POLQ: variants seen among roughly 807,000 people sequenced by gnomAD.
The protein encoded by POLQ is epididymis secretory sperm binding protein.
In POLQ, 233 loss-of-function variants were observed where a neutral mutation model predicts 259.2. That is an observed-to-expected ratio of 0.90 (90% confidence interval 0.81 to 1.00). The LOEUF is 1.00. POLQ is among the 50% of genes least tolerant of loss of function. The probability of loss-of-function intolerance (pLI) is 0.00; values close to 1 mark genes in which losing one functional copy is unlikely to be tolerated. For missense variants in POLQ, 2,871 were observed against 3,051.6 expected, an observed-to-expected ratio of 0.94 and a Z score of 1.39; for synonymous variants, 1,025 against 1,048.8, an observed-to-expected ratio of 0.98 and a Z score of 0.44.
intron 16 of POLQ, among the ~76,000 whole-genome samples, chr3:121,486,404 A>G (rs2048011976): frequency 6.6e-6 from 1 of 152,040 alleles, no homozygotes; most frequent in African/African-American, 2.4e-5. Flanking sequence ...AAAATAAAAA[A>G]TTAGCCAGGC....
rs1021459056 is a variant in POLQ, at chr3:121,545,871, G to T, written c.7C>A (p.Leu3Ile). 24 of 1,613,804 alleles carry T rather than the reference G, an allele frequency of 1.5e-5. No individual in the cohort carries two copies. Among genetic ancestry groups the T allele is most frequent in the Non-Finnish European group, 1.9e-5 (22 of 1,179,994 alleles). MN[L>I]LRRSGKRRRS... ...CGCCGTTTCCCACTCCGACGCAGAA[G>T]ATTCATGGCAAACTCTTCTCGGCCG... Residue 3 changes from leucine to isoleucine, a missense_variant, in exon 1 of 30, where the codon CTT becomes ATT. Physicochemically the swap from Leu to Ile is conservative, Grantham distance 5. Coordinates refer to ENST00000264233, the MANE Select transcript of POLQ (RefSeq NM_199420.4).
chr3:121,486,893 C>CAGAGAGAG (rs3045624), intron 16 of POLQ, among the ~76,000 whole-genome samples: 3 of 140,392 alleles, frequency 2.1e-5, no homozygotes, highest in African/African-American at 2.7e-5. Context: ...GAAAGAGAGA[C>CAGAGAGAG]AGAGAGAGAG....
Position 121,481,583 on chromosome 3 carries a change from T to C in POLQ, c.6200A>G (p.Glu2067Gly). The C allele has an allele frequency of 6.3e-7, 1 of 1,594,332 alleles. No homozygotes were observed. Among genetic ancestry groups the C allele is most frequent in the African/African-American group, 1.3e-5 (1 of 74,348 alleles). Reference sequence around the variant, plus strand: ...AACTTGGTTTTTACCTTGAAGGTTTTCCTTCTGCAACAAAGAGTTGAGCTG... The same window carrying C: ...AACTTGGTTTTTACCTTGAAGGTTTCCCTTCTGCAACAAAGAGTTGAGCTG... ...MNQLNSLLQK[E>G]NLQDVFRKVE... Residue 2067 changes from glutamate (E) to glycine (G), a missense_variant, in exon 19 of 30, where the codon GAA becomes GGA. Around this residue, in one of 3 missense-constraint regions of POLQ, gnomAD observed 2,080 missense variants for 2,126.0 expected, o/e 0.98. Coordinates refer to ENST00000264233, the MANE Select transcript of POLQ (RefSeq NM_199420.4).
At position 121,431,540 on chromosome 3, in the gene POLQ, CAGAA is replaced by C. The variant is rs1368475505; in HGVS notation, c.*760_*763del. 3 of 152,398 alleles carry C rather than the reference CAGAA, an allele frequency of 2.0e-5. No individual in the cohort carries two copies. The highest frequency in any genetic ancestry group is 7.2e-5 in the African/African-American group (3 of 41,402). The allele number at this position is 152,398 out of a possible 1,614,324, so 9.4% of individuals were successfully genotyped here. On this transcript the variant is annotated 3_prime_UTR_variant, in exon 30 of 30. Coordinates refer to ENST00000264233, the MANE Select transcript of POLQ (RefSeq NM_199420.4). ...ATGGGTTTTCTCACCATGCCACAAA[CAGAA>C]AGAGGCACTAAGGGACTGATAAGGG... is the stretch of plus-strand genomic sequence containing the variant.
Position 121,509,674 on chromosome 3 carries a change from A to G in POLQ, c.1846T>C (p.Ser616Pro), listed in dbSNP as rs1269090397. The G allele has an allele frequency of 2.1e-5, 34 of 1,613,906 alleles. No individual in the cohort carries two copies. The highest frequency in any genetic ancestry group is 2.8e-5 in the Non-Finnish European group (33 of 1,179,922). ...GKVYHPTHLG[S>P]ATLSSSLSPA... The stretch of plus-strand genomic sequence containing the variant: ...GAAAGTGAAGAAGAAAGAGTGGCCG[A>G]ACCAAGATGTGTTGGATGATACACC... The change falls in exon 12 of 30, where the codon TCG (serine) becomes CCG (proline). Residue 616 changes from serine to proline, a missense_variant. Around this residue, in one of 3 missense-constraint regions of POLQ, gnomAD observed 783 missense variants for 906.2 expected, o/e 0.86. Coordinates refer to ENST00000264233, the MANE Select transcript of POLQ (RefSeq NM_199420.4).
chr3:121,531,436 T>C (rs886296533), intron 6 of POLQ, among the ~76,000 whole-genome samples: 2 of 151,654 alleles, frequency 1.3e-5, no homozygotes, highest in Admixed American at 6.6e-5. Flanking sequence ...CAGAGGCCAG[T>C]GTGAAGGAAG....
At chr3:121,433,077 G>T in intron 28 of POLQ, 44 bp from the exon 29 acceptor site, 3 of 1,008,158 alleles carry the variant, frequency 3.0e-6, no homozygotes, top group Non-Finnish European at 4.8e-6. Context: ...ATGTCGCTAA[G>T]TCATAGGAGA....
rs765239681 is a variant in POLQ, at chr3:121,488,116, A to T, written c.4815T>A (p.Asp1605Glu). 6.2e-7 allele frequency: 1 copy of T among 1,613,614 alleles called. No individual in the cohort carries two copies. The highest frequency in any genetic ancestry group is 8.5e-7 in the Non-Finnish European group (1 of 1,179,806). The change falls in exon 16 of 30, where the codon GAT becomes GAA. Residue 1605 changes from aspartate (D) to glutamate (E), a missense_variant. Asp to Glu is a conservative substitution (Grantham distance 45, BLOSUM62 2). This residue lies in a region of POLQ where 2,080 missense variants were observed against 2,126.0 expected (regional missense o/e 0.98). Coordinates refer to ENST00000264233, the MANE Select transcript of POLQ (RefSeq NM_199420.4). The part of the protein sequence containing the change: ...DPVLDEHHQG[D>E]QDGGDQDERA... ...TTTCATCTTGATCTCCTCCATCTTGATCACCTTGGTGGTGCTCATCAAGTA... is the reference window on the plus strand; with the variant it reads ...TTTCATCTTGATCTCCTCCATCTTGTTCACCTTGGTGGTGCTCATCAAGTA...
intron 24 of POLQ, among the ~76,000 whole-genome samples, chr3:121,465,897 A>G (rs578137665): frequency 6.0e-4 from 91 of 152,322 alleles, no homozygotes; most frequent in Non-Finnish European, 3.7e-4. Context: ...AGTGAAAGGG[A>G]AAGTCGCATC....
rs1433610146 is a variant in POLQ at position 121,505,981 on chromosome 3, C to T, written c.1959+3580G>A. Among the ~76,000 whole-genome samples the T allele has an allele frequency of 2.7e-5, 4 of 147,858 alleles. No individual in the cohort carries two copies. In the East Asian group the frequency reaches 5.9e-4, roughly 22 times the overall value. ...AGGTTGCAGTGAGCCGAGATTGCAC[C>T]ATTGCACTCCAGCCTGGGTGACAAG... On this transcript the variant is annotated intron_variant, in intron 12 of 29. Transcript: ENST00000264233.
Position 121,482,469 on chromosome 3 carries a change from G to A in POLQ, c.5971-657C>T, listed in dbSNP as rs185747967. Among the ~76,000 whole-genome samples the A allele has an allele frequency of 3.4e-3, 507 of 150,516 alleles. 8 individuals carry two copies. The highest frequency in any genetic ancestry group is 0.011 in the African/African-American group (452 of 40,934). ...TGGGAGGCGGAGGTTGCAGTGAGCC[G>A]AGATTGCACCACTGCACTCCAGCCT... On this transcript the variant is annotated intron_variant, in intron 18 of 29. Coordinates refer to ENST00000264233, the MANE Select transcript of POLQ (RefSeq NM_199420.4).
chr3:121,524,459 C>G (rs1413903875), intron 7 of POLQ, among the ~76,000 whole-genome samples: 1 of 151,968 alleles, frequency 6.6e-6, no homozygotes, highest in Non-Finnish European at 1.5e-5. Context: ...AATAGTGAGG[C>G]AACAGTGTTC....
chr3:121,482,430 G>C (rs2047978431), intron 18 of POLQ, among the ~76,000 whole-genome samples: 1 of 151,286 alleles, frequency 6.6e-6, no homozygotes, highest in African/African-American at 2.4e-5. Flanking sequence ...TGAGGCAAAA[G>C]AATCGCTTGA....
intron 24 of POLQ, among the ~76,000 whole-genome samples, chr3:121,466,248 T>C (rs1425932567): frequency 6.7e-6 from 1 of 150,354 alleles, no homozygotes; most frequent in Admixed American, 6.7e-5. Flanking sequence ...CTCCAGAATT[T>C]CTATGAAGGC....
At position 121,539,437 on chromosome 3, in the gene POLQ, C is replaced by T. The variant is rs1227468149; in HGVS notation, c.627G>A (p.Leu209=). 1 of 1,596,680 alleles carries T rather than the reference C, an allele frequency of 6.3e-7. No individual in the cohort carries two copies. Among genetic ancestry groups the T allele is most frequent in the Admixed American group, 1.8e-5 (1 of 54,612 alleles). Residue 209 remains leucine (L), a synonymous_variant, in exon 4 of 30, where the codon CTG becomes CTA. Transcript: ENST00000264233. Reference sequence around the variant, plus strand: ...CTTATTTTCTAACTTTCTTACCTAACAGATCCATCTTATTTTCCTCTATGA... The same window carrying T: ...CTTATTTTCTAACTTTCTTACCTAATAGATCCATCTTATTTTCCTCTATGA... ...NRLIEENKMD[L]LGMVVVDELH... is the part of the protein sequence containing the mutation.
intron 15 of POLQ, 156 bp from the exon 16 acceptor site, chr3:121,490,564 G>T: frequency 1.5e-6 from 1 of 646,036 alleles, no homozygotes; most frequent in Non-Finnish European, 2.7e-6. Flanking sequence ...TCTAGCTGGG[G>T]AATTCAGAAA....
intron 12 of POLQ, among the ~76,000 whole-genome samples, chr3:121,503,501 T>C (rs1448919253): frequency 6.6e-6 from 1 of 152,178 alleles, no homozygotes; most frequent in Non-Finnish European, 1.5e-5. Flanking sequence ...CTTTCAACAA[T>C]GAATAGAACT....
intron 24 of POLQ, among the ~76,000 whole-genome samples, 171 bp downstream of exon 24, chr3:121,467,348 G>A (rs952121511): frequency 2.0e-5 from 3 of 152,164 alleles, no homozygotes; most frequent in South Asian, 2.1e-4. Flanking sequence ...TCATGGAGAT[G>A]ATGACTGCTA....
rs764095263 is a variant in POLQ, at chr3:121,544,828, A to G, written c.242T>C (p.Leu81Pro). Residue 81 changes from leucine to proline, a missense_variant, in exon 2 of 30, where the codon CTG becomes CCG. Around this residue, in one of 3 missense-constraint regions of POLQ, gnomAD observed 783 missense variants for 906.2 expected, o/e 0.86. Coordinates refer to ENST00000264233, the MANE Select transcript of POLQ (RefSeq NM_199420.4). ...LANWGLPKAV[L>P]EKYHSFGVKK... ...TACACCAAAACTGTGGTATTTTTCC[A>G]GAACTGCTTTAGGAAGTCCCCAGTT... 38 of 1,612,372 alleles carry G rather than the reference A, an allele frequency of 2.4e-5. No homozygotes were observed. Among genetic ancestry groups the G allele is most frequent in the Admixed American group, 1.2e-4 (7 of 59,990 alleles).
Sources: allele counts gnomAD v4.1 joint callset (sites outside exome capture counted in the v4.1 genomes callset), GRCh38; gene constraint gnomAD v4.1.1; regional missense constraint gnomAD v4.1.1; transcripts MANE v1.5; gene names NCBI Gene and HGNC (gene_info 2026-07-23, HGNC 2026-07-21).